LCLAT1: variants seen among roughly 807,000 people sequenced by gnomAD.
LCLAT1 encodes the protein 1-AGP acyltransferase 8.
LCLAT1 carries 11 observed loss-of-function variants against 30.7 expected under a neutral mutation model. That is an observed-to-expected ratio of 0.36 (90% CI 0.23 to 0.59). The LOEUF (loss-of-function observed/expected upper bound fraction) is 0.59, where lower values mean the gene tolerates loss of function less well. LCLAT1 is among the 20% of genes least tolerant of loss of function. LCLAT1 has a pLI of 0.77. For synonymous variants in LCLAT1, 155 were observed against 151.3 expected, an observed-to-expected ratio of 1.02 and a Z score of -0.18; for missense variants, 402 against 458.6, an observed-to-expected ratio of 0.88 and a Z score of 1.13.
At chr2:30,523,118 C>G (rs1685552685) in intron 1 of LCLAT1, among the ~76,000 whole-genome samples, 1 of 150,018 alleles carries the variant, frequency 6.7e-6, no homozygotes, top group Non-Finnish European at 1.5e-5. Context: ...ACAGAGCTAG[C>G]TAATCACTAA....
intron 1 of LCLAT1, among the ~76,000 whole-genome samples, chr2:30,521,266 G>A (rs1243674327): frequency 6.6e-6 from 1 of 152,058 alleles, no homozygotes; most frequent in African/African-American, 2.4e-5. Context: ...CCATAAAAAT[G>A]GGCAACCAGC....
At chr2:30,448,477 G>C (rs1227530275) in intron 1 of LCLAT1, among the ~76,000 whole-genome samples, 1 of 152,146 alleles carries the variant, frequency 6.6e-6, no homozygotes, top group African/African-American at 2.4e-5. Flanking sequence ...TTTTGTTTTT[G>C]GTAGTAGGCT....
intron 3 of LCLAT1, among the ~76,000 whole-genome samples, chr2:30,539,380 G>A (rs1257664732): frequency 6.7e-6 from 1 of 149,760 alleles, no homozygotes; most frequent in East Asian, 2.0e-4. Context: ...CTCCTCCTGA[G>A]TAGCTAAAAC....
intron 1 of LCLAT1, among the ~76,000 whole-genome samples, chr2:30,463,111 G>T (rs1682246281): frequency 6.6e-6 from 1 of 151,916 alleles, no homozygotes; most frequent in African/African-American, 2.4e-5. Context: ...AATAAAAAAA[G>T]TCAACTTGAA....
chr2:30,628,521 C>T (rs894320311), intron 5 of LCLAT1, among the ~76,000 whole-genome samples: 5 of 152,222 alleles, frequency 3.3e-5, no homozygotes, highest in African/African-American at 7.2e-5. Context: ...CTTGCTTTAC[C>T]AGATATTGAG....
intron 1 of LCLAT1, among the ~76,000 whole-genome samples, chr2:30,449,761 A>G (rs986477703): frequency 2.0e-5 from 3 of 152,126 alleles, no homozygotes; most frequent in African/African-American, 7.2e-5. Context: ...CAGCCTCCCA[A>G]AGTGTTGGGA....
chr2:30,596,712 T>TA (rs1348731436), intron 5 of LCLAT1, among the ~76,000 whole-genome samples: 2 of 150,232 alleles, frequency 1.3e-5, no homozygotes, highest in African/African-American at 4.9e-5. Flanking sequence ...CATGAAATCT[T>TA]TGCCCATGCT....
chr2:30,469,575 T>C (rs1306541702), intron 1 of LCLAT1, among the ~76,000 whole-genome samples: 4 of 91,640 alleles, frequency 4.4e-5, no homozygotes, highest in African/African-American at 7.3e-5. Flanking sequence ...AGGTCTCTTC[T>C]TTTTTTTTTT....
chr2:30,582,354 G>A (rs1001062445), intron 5 of LCLAT1, among the ~76,000 whole-genome samples: 5 of 152,212 alleles, frequency 3.3e-5, no homozygotes, highest in South Asian at 2.1e-4. Context: ...TTCTTTATGA[G>A]GCTAATAACC....
intron 3 of LCLAT1, among the ~76,000 whole-genome samples, chr2:30,536,552 A>C (rs1156954101): frequency 6.6e-6 from 1 of 152,258 alleles, no homozygotes; most frequent in East Asian, 1.9e-4. Flanking sequence ...CTTTAGAAAT[A>C]AAGGAGACAT....
intron 1 of LCLAT1, among the ~76,000 whole-genome samples, chr2:30,454,784 A>T (rs1424814862): frequency 6.6e-6 from 1 of 152,152 alleles, no homozygotes; most frequent in Non-Finnish European, 1.5e-5. Flanking sequence ...GTGATTCATT[A>T]AGACCAATTG....
intron 2 of LCLAT1, among the ~76,000 whole-genome samples, chr2:30,532,880 G>A (rs1280910861): frequency 2.0e-5 from 3 of 151,956 alleles, no homozygotes; most frequent in Non-Finnish European, 4.4e-5. Flanking sequence ...TTGATTTCAA[G>A]GACAATCAGC....
At chr2:30,452,246 C>A (rs1388937578) in intron 1 of LCLAT1, among the ~76,000 whole-genome samples, 1 of 151,846 alleles carries the variant, frequency 6.6e-6, no homozygotes, top group East Asian at 1.9e-4. Context: ...AAAAAAGAGG[C>A]TCTAGTGAGA....
intron 3 of LCLAT1, among the ~76,000 whole-genome samples, chr2:30,540,596 G>C (rs1664085391): frequency 6.6e-6 from 1 of 151,812 alleles, no homozygotes; most frequent in South Asian, 2.1e-4. Flanking sequence ...GAAATACCTG[G>C]GTCTTTGGCA....
In LCLAT1 at chr2:30,640,712, G is replaced by A. The variant is rs910802988; in HGVS notation, c.*93G>A. ...AGATGCATTTTTGCATGACTATGTC[G>A]AATATTTCTTACTGCCATCATTATT... On this transcript the variant is annotated 3_prime_UTR_variant, in exon 6 of 6. Coordinates refer to ENST00000379509, the MANE Select transcript of LCLAT1 (RefSeq NM_001002257.3). 7.9e-6 allele frequency: 11 copies of A among 1,391,766 alleles called. No individual in the cohort carries two copies. The African/African-American group carries it at 8.7e-5, about 11-fold the overall frequency. The allele number at this position is 1,391,766 out of a possible 1,614,324, so 86.2% of individuals were successfully genotyped here. A position where few individuals can be genotyped will look rare whatever the true frequency, so the allele number is the denominator to read the frequency against.
rs80034791 is a variant in LCLAT1 at position 30,456,658 on chromosome 2, T to G, written c.-5+9275T>G. Reference sequence around the variant, plus strand: ...AGGAGAGCAGGGGTTTGTTTTTTGTTTTTTTGTTTTTGTTTTTAAGCTGGT... The same window carrying G: ...AGGAGAGCAGGGGTTTGTTTTTTGTGTTTTTGTTTTTGTTTTTAAGCTGGT... On this transcript the variant is annotated intron_variant, in intron 1 of 5. Coordinates refer to ENST00000379509, the MANE Select transcript of LCLAT1 (RefSeq NM_001002257.3). Among the ~76,000 whole-genome samples, 1,452 of 152,186 alleles carry G rather than the reference T, an allele frequency of 9.5e-3. 22 individuals carry two copies. The highest frequency in any genetic ancestry group is 0.033 in the African/African-American group (1,357 of 41,498).
At chr2:30,553,539 G>T (rs988023197) in intron 3 of LCLAT1, among the ~76,000 whole-genome samples, 47 of 152,232 alleles carry the variant, frequency 3.1e-4, no homozygotes. Context: ...CAAATTGCCG[G>T]GCGCGGTGGC....
intron 5 of LCLAT1, among the ~76,000 whole-genome samples, chr2:30,609,880 T>C (rs1439725028): frequency 1.3e-5 from 2 of 152,124 alleles, no homozygotes; most frequent in African/African-American, 4.8e-5. Context: ...TCTTTAAATC[T>C]CCCATGGTAG....
At chr2:30,639,492 G>A (rs1669199902) in intron 5 of LCLAT1, among the ~76,000 whole-genome samples, 2 of 152,154 alleles carry the variant, frequency 1.3e-5, no homozygotes, top group Admixed American at 6.5e-5. Context: ...TAAAGATGGA[G>A]TCTCACTGTA....
Sources: allele counts gnomAD v4.1 joint callset (sites outside exome capture counted in the v4.1 genomes callset), GRCh38; gene constraint gnomAD v4.1.1; transcripts MANE v1.5; gene names NCBI Gene and HGNC (gene_info 2026-07-23, HGNC 2026-07-21).